Variants in ABCB4 observed in about 807,000 individuals in gnomAD.
ABCB4 encodes phosphatidylcholine translocator ABCB4.
A neutral mutation model predicts 145.7 loss-of-function variants in ABCB4; 76 were observed. The observed-to-expected ratio is 0.52, with a 90% CI of 0.43 to 0.63. The LOEUF is 0.63. Ranked by LOEUF, ABCB4 falls within the 30% of genes least tolerant of loss-of-function variation. ABCB4 has a pLI of 0.00. For missense variants in ABCB4, 1,234 were observed against 1,553.1 expected, an observed-to-expected ratio of 0.79 and a Z score of 3.45; for synonymous variants, 517 against 566.8, an observed-to-expected ratio of 0.91 and a Z score of 1.25.
At chr7:87,395,419 C>T in the ABCB4 span, among the ~76,000 whole-genome samples, 2 of 152,316 alleles carry the variant, frequency 1.3e-5, no homozygotes, top group East Asian at 3.9e-4. Flanking sequence ...AGGATCAATA[C>T]TTTGCATCCT....
chr7:87,467,079 G>T (rs1812956555), intron 3 of ABCB4, among the ~76,000 whole-genome samples: 1 of 152,170 alleles, frequency 6.6e-6, no homozygotes, highest in South Asian at 2.1e-4. Context: ...TGGGCTAAAT[G>T]CTCCAATTAA....
chr7:87,461,604 T>C (rs1055693857), intron 4 of ABCB4, among the ~76,000 whole-genome samples: 2 of 152,122 alleles, frequency 1.3e-5, no homozygotes, highest in Non-Finnish European at 2.9e-5. Flanking sequence ...CAATGAAAAA[T>C]CACCATTATT....
chr7:87,406,342 A>G lies in ABCB4; in HGVS notation c.3432T>C (p.Ile1144=). 6.2e-7 allele frequency: 1 copy of G among 1,614,160 alleles called. No individual in the cohort carries two copies. The highest frequency in any genetic ancestry group is 1.1e-5 in the South Asian group (1 of 91,080). The change falls in exon 26 of 28, where the codon ATT becomes ATC. Residue 1144 remains isoleucine (I), a synonymous_variant. Coordinates refer to ENST00000649586, the MANE Select transcript of ABCB4 (RefSeq NM_000443.4). ...TGTTGGCAGCTTTGGCTGCACTCAC[A>G]ATTTCATCCTGTGATACAACCCGGC... The part of the protein sequence containing the change: ...DNSRVVSQDE[I]VSAAKAANIH...
chr7:87,375,976 T>TC, the ABCB4 span: 1 of 1,535,690 alleles, frequency 6.5e-7, no homozygotes, highest in Non-Finnish European at 8.7e-7. Context: ...CTTCTCTTTT[T>TC]TTTTTTATTG....
Position 87,462,694 on chromosome 7 carries a change from T to G in ABCB4, c.286+64A>C, listed in dbSNP as rs1026273501. Reference sequence around the variant, plus strand: ...GATGGTAATGAATAGCAAAATCAACTCCCAAATTTTTACCCAGTTAAAGAA... The same window carrying G: ...GATGGTAATGAATAGCAAAATCAACGCCCAAATTTTTACCCAGTTAAAGAA... On this transcript the variant is annotated intron_variant, in intron 4 of 27. Transcript: ENST00000649586. The G allele has an allele frequency of 1.8e-4, 266 of 1,511,538 alleles. 2 individuals carry two copies. In the Middle Eastern group the frequency reaches 2.6e-3, roughly 15 times the overall value. The allele number at this position is 1,511,538 out of a possible 1,614,324, so 93.6% of individuals were successfully genotyped here.
chr7:87,443,348 G>C lies in ABCB4; in HGVS notation c.1327C>G (p.Gln443Glu). 1.9e-6 allele frequency: 3 copies of C among 1,614,066 alleles called. No homozygotes were observed. Among genetic ancestry groups the C allele is most frequent in the Non-Finnish European group, 1.7e-6 (2 of 1,179,996 alleles). The change falls in exon 12 of 28, where the codon CAG becomes GAG. Residue 443 changes from glutamine to glutamate, a missense_variant. This residue lies in a region of ABCB4 where 467 missense variants were observed against 632.8 expected (regional missense o/e 0.74). Coordinates refer to ENST00000649586, the MANE Select transcript of ABCB4 (RefSeq NM_000443.4). The part of the protein sequence containing the change: ...CGKSTTVQLI[Q>E]RLYDPDEGTI... The stretch of plus-strand genomic sequence containing the variant: ...CCCTCATCAGGGTCATAGAGCCTCT[G>C]TATCAGCTGGACCGTTGTGCTCTTC...
At chr7:87,442,333 T>C (rs1811045143) in intron 12 of ABCB4, among the ~76,000 whole-genome samples, 1 of 152,174 alleles carries the variant, frequency 6.6e-6, no homozygotes, top group Non-Finnish European at 1.5e-5. Context: ...GTATTAATTC[T>C]GGAGATCTCT....
chr7:87,428,768 T>A (rs1371066965), intron 15 of ABCB4, among the ~76,000 whole-genome samples: 1 of 152,100 alleles, frequency 6.6e-6, no homozygotes, highest in Admixed American at 6.5e-5. Flanking sequence ...ATAAGCTCAA[T>A]CTTATAAATA....
At position 87,412,051 on chromosome 7, in the gene ABCB4, A is replaced by T. The variant is rs1295041101; in HGVS notation, c.2784-18T>A. 2.5e-6 allele frequency: 4 copies of T among 1,613,390 alleles called. No homozygotes were observed. Among genetic ancestry groups the T allele is most frequent in the Non-Finnish European group, 3.4e-6 (4 of 1,179,468 alleles). On this transcript the variant is annotated intron_variant, in intron 22 of 27. Transcript: ENST00000649586. ...CAGAATTCCTGAAAAGCAAATCAGT[A>T]TACTTGTAACCATCTCTTCAGCCTC...
At chr7:87,376,376 T>G in the ABCB4 span, among the ~76,000 whole-genome samples, 1 of 152,220 alleles carries the variant, frequency 6.6e-6, no homozygotes, top group African/African-American at 2.4e-5. Context: ...GTCACCCTTG[T>G]AAGTCATTTA....
At chr7:87,386,756 A>T in the ABCB4 span, among the ~76,000 whole-genome samples, 1 of 152,150 alleles carries the variant, frequency 6.6e-6, no homozygotes, top group Admixed American at 6.6e-5. Flanking sequence ...AACACTGCTG[A>T]ACAACCTCTT....
chr7:87,440,323 G>T lies in ABCB4; in HGVS notation c.1436C>A (p.Pro479Gln). Residue 479 changes from proline to glutamine, a missense_variant, in exon 13 of 28, where the codon CCG (proline) becomes CAG (glutamine). By Grantham distance (76) the Pro-to-Gln change is moderately conservative. This residue lies in a region of ABCB4 where 467 missense variants were observed against 632.8 expected (regional missense o/e 0.74). Transcript: ENST00000649586. ...REIIGVVSQE[P>Q]VLFSTTIAEN... Reference sequence around the variant, plus strand: ...AGCAATTGTGGTGGAAAACAGCACCGGCTCCTGACTCACCACACCAATGAT... The same window carrying T: ...AGCAATTGTGGTGGAAAACAGCACCTGCTCCTGACTCACCACACCAATGAT... 1 of 1,614,018 alleles carries T rather than the reference G, an allele frequency of 6.2e-7. No homozygotes were observed. The highest frequency in any genetic ancestry group is 1.1e-5 in the South Asian group (1 of 91,072).
chr7:87,419,788 G>GAAAAAAAAAAAAAAAAAAAA (rs200409056), intron 19 of ABCB4, among the ~76,000 whole-genome samples: 2 of 42,328 alleles, frequency 4.7e-5, no homozygotes, highest in African/African-American at 6.8e-5. Context: ...CTATTTCTAT[G>GAAAAAAAAAAAAAAAAAAAA]AAAAAAAACA....
intron 23 of ABCB4, among the ~76,000 whole-genome samples, chr7:87,410,719 G>T (rs1024318696): frequency 1.5e-4 from 23 of 152,216 alleles, no homozygotes; most frequent in African/African-American, 5.1e-4. Context: ...CATGTCTGGG[G>T]ATTCCAACTA....
intron 3 of ABCB4, among the ~76,000 whole-genome samples, chr7:87,470,549 TG>T (rs1240472560): frequency 2.0e-4 from 30 of 151,902 alleles, no homozygotes; most frequent in African/African-American, 7.0e-4. Context: ...CACCAACAAG[TG>T]GGTGAAGGAT....
chr7:87,450,468 A>ATTTTTT (rs373293934), intron 7 of ABCB4, among the ~76,000 whole-genome samples: 1 of 131,216 alleles, frequency 7.6e-6, no homozygotes, highest in African/African-American at 3.0e-5. Flanking sequence ...TTGTGTCACA[A>ATTTTTT]TTTTTTTTTT....
intron 4 of ABCB4, among the ~76,000 whole-genome samples, chr7:87,460,791 T>C (rs1385744319): frequency 6.6e-6 from 1 of 151,874 alleles, no homozygotes; most frequent in African/African-American, 2.4e-5. Flanking sequence ...GCTGGTGATT[T>C]CGTATTTTTT....
chr7:87,405,580 C>A (rs12704362), intron 26 of ABCB4, among the ~76,000 whole-genome samples: 22 of 152,070 alleles, frequency 1.4e-4, no homozygotes, highest in African/African-American at 5.1e-4. Flanking sequence ...GTGCCCACCA[C>A]GACGCCTGGT....
intron 16 of ABCB4, among the ~76,000 whole-genome samples, chr7:87,425,824 C>T (rs1809764417): frequency 6.6e-6 from 1 of 151,728 alleles, no homozygotes; most frequent in Admixed American, 6.6e-5. Flanking sequence ...TGCAGTGAGC[C>T]AAGATTGCAC....
Sources: gnomAD v4.1 joint callset for allele counts (sites outside exome capture counted in the v4.1 genomes callset) on GRCh38, gnomAD v4.1.1 for gene constraint, gnomAD v4.1.1 regional missense constraint, MANE v1.5 for transcripts, NCBI Gene and HGNC (gene_info 2026-07-23, HGNC 2026-07-21) for gene names.